The following RASGRP3 variants were observed in gnomAD, a reference collection of about 807,000 sequenced individuals.
The protein encoded by RASGRP3 is RAS guanyl releasing protein 3.
A neutral mutation model predicts 82.7 loss-of-function variants in RASGRP3; 54 were observed. That is an observed-to-expected ratio of 0.65 (90% confidence interval 0.52 to 0.82). RASGRP3 has a LOEUF of 0.82. Among genes scored for constraint, RASGRP3 ranks in the 40% least tolerant of loss-of-function variants. The probability of loss-of-function intolerance (pLI) is 0.00; values close to 1 mark genes in which losing one functional copy is unlikely to be tolerated. For missense variants in RASGRP3, 861 were observed against 828.9 expected, an observed-to-expected ratio of 1.04 and a Z score of -0.48; for synonymous variants, 309 against 300.5, an observed-to-expected ratio of 1.03 and a Z score of -0.29.
chr2:33,558,526 G>A, intron 16 of RASGRP3, 146 bp from the exon 17 acceptor site: 1 of 1,117,746 alleles, frequency 8.9e-7, no homozygotes, highest in Non-Finnish European at 1.2e-6. Flanking sequence ...TCAGGAATAT[G>A]TAACTTGCCT....
chr2:33,540,940 C>T (rs1389491212), intron 12 of RASGRP3, among the ~76,000 whole-genome samples: 8 of 146,158 alleles, frequency 5.5e-5, no homozygotes, highest in Non-Finnish European at 1.1e-4. Context: ...TCATTTTAGT[C>T]ACATTTTTAA....
At chr2:33,497,628 A>G (rs568885462) in intron 1 of RASGRP3, among the ~76,000 whole-genome samples, 4 of 152,346 alleles carry the variant, frequency 2.6e-5, no homozygotes, top group Admixed American at 6.5e-5. Context: ...TCATTGGTCT[A>G]TTACTGACAT....
chr2:33,485,014 C>G (rs1220395223), intron 1 of RASGRP3, among the ~76,000 whole-genome samples: 1 of 152,124 alleles, frequency 6.6e-6, no homozygotes, highest in African/African-American at 2.4e-5. Flanking sequence ...GCCTGACCAA[C>G]AAGGAGAAAC....
chr2:33,533,315 T>G (rs930177016), intron 10 of RASGRP3: 1 of 152,246 alleles, frequency 6.6e-6, no homozygotes, highest in African/African-American at 2.4e-5. Flanking sequence ...TTGTCCAAAT[T>G]AAGTCCCAAT....
chr2:33,541,058 A>C (rs745966226), intron 12 of RASGRP3, among the ~76,000 whole-genome samples: 1 of 147,020 alleles, frequency 6.8e-6, no homozygotes, highest in Non-Finnish European at 1.5e-5. Context: ...AAAACTGGAG[A>C]TTAATTAAAA....
chr2:33,537,504 A>C (rs1673770317), intron 11 of RASGRP3, among the ~76,000 whole-genome samples: 2 of 151,846 alleles, frequency 1.3e-5, no homozygotes, highest in Non-Finnish European at 2.9e-5. Context: ...GACTACAGGC[A>C]TGTGCCACCA....
intron 13 of RASGRP3, among the ~76,000 whole-genome samples, chr2:33,545,943 T>C (rs1357647754): frequency 1.3e-5 from 2 of 152,024 alleles, no homozygotes; most frequent in African/African-American, 2.4e-5. Context: ...TAGCTGGTTA[T>C]AGGCATGCAC....
intron 2 of RASGRP3, among the ~76,000 whole-genome samples, chr2:33,455,546 A>G (rs575689050): frequency 2.4e-4 from 37 of 152,364 alleles, no homozygotes; most frequent in Non-Finnish European, 4.3e-4. Context: ...CTCACCTACA[A>G]TTCCCTCAAC....
chr2:33,529,036 C>A (rs555100441), intron 10 of RASGRP3, among the ~76,000 whole-genome samples: 1 of 152,102 alleles, frequency 6.6e-6, no homozygotes. Context: ...AAGCTGTCCA[C>A]GATGTCAAGC....
At chr2:33,479,714 C>G (rs1667721346) in intron 1 of RASGRP3, among the ~76,000 whole-genome samples, 1 of 152,132 alleles carries the variant, frequency 6.6e-6, no homozygotes, top group African/African-American at 2.4e-5. Context: ...CTCTGACTGT[C>G]TCACGGGTGG....
intron 1 of RASGRP3, among the ~76,000 whole-genome samples, chr2:33,439,130 AC>A (rs1458442339): frequency 6.6e-6 from 1 of 152,246 alleles, no homozygotes; most frequent in Non-Finnish European, 1.5e-5. Context: ...ATCCTGTATT[AC>A]AGGTCTACAA....
chr2:33,442,804 C>T (rs534972504), intron 1 of RASGRP3, among the ~76,000 whole-genome samples: 4 of 151,964 alleles, frequency 2.6e-5, no homozygotes, highest in African/African-American at 7.2e-5. Context: ...CAGGGGAGCC[C>T]GTCTCAGCTT....
intron 4 of RASGRP3, among the ~76,000 whole-genome samples, chr2:33,517,430 A>G (rs1671574335): frequency 6.6e-6 from 1 of 152,170 alleles, no homozygotes; most frequent in Non-Finnish European, 1.5e-5. Context: ...GAACCCCTAC[A>G]GGGAGGGGGA....
chr2:33,472,155 T>C (rs2150918145), upstream of RASGRP3, among the ~76,000 whole-genome samples: 1 of 152,348 alleles, frequency 6.6e-6, no homozygotes, highest in African/African-American at 2.4e-5. Flanking sequence ...GAGGATTGTT[T>C]CCACCATGTG....
intron 2 of RASGRP3, among the ~76,000 whole-genome samples, chr2:33,513,509 T>C (rs1241336360): frequency 5.9e-5 from 9 of 152,212 alleles, no homozygotes; most frequent in Admixed American, 5.9e-4. Flanking sequence ...TGATTGCCAG[T>C]TGAATAAATA....
intron 2 of RASGRP3, among the ~76,000 whole-genome samples, chr2:33,471,307 G>GTAGGACTA (rs70940203): frequency 0.36 from 53,225 of 148,886 alleles, 11,506 homozygotes; most frequent in Non-Finnish European, 0.47. Context: ...TCCCAGGTTG[G>GTAGGACTA]TAGGACTATA....
At chr2:33,487,856 T>C (rs1668527989) in intron 1 of RASGRP3, among the ~76,000 whole-genome samples, 1 of 152,122 alleles carries the variant, frequency 6.6e-6, no homozygotes, top group African/African-American at 2.4e-5. Flanking sequence ...TTCTAGCGCT[T>C]TGAGAGGCTG....
chr2:33,513,771 T>C (rs1671162344), intron 2 of RASGRP3: 1 of 152,234 alleles, frequency 6.6e-6, no homozygotes, highest in South Asian at 2.1e-4. Context: ...GTTTTCCCCA[T>C]GACAGTGCTG....
chr2:33,469,641 G>A (rs2082343195), intron 2 of RASGRP3, among the ~76,000 whole-genome samples: 1 of 151,662 alleles, frequency 6.6e-6, no homozygotes, highest in Non-Finnish European at 1.5e-5. Flanking sequence ...TTATATTTTT[G>A]GTAGAGAAGG....
Sources: gnomAD v4.1 joint callset for allele counts (sites outside exome capture counted in the v4.1 genomes callset) on GRCh38, gnomAD v4.1.1 for gene constraint, MANE v1.5 for transcripts, NCBI Gene and HGNC (gene_info 2026-07-23, HGNC 2026-07-21) for gene names.